Variants in RBFOX1 observed in about 807,000 individuals in gnomAD.
RBFOX1 encodes RNA binding fox-1 homolog 1, also known as RNA binding protein fox-1 homolog 1.
Under a neutral mutation model 57.7 loss-of-function variants are expected in RBFOX1, and 8 were observed. The observed-to-expected ratio is 0.14, with a 90% CI of 0.08 to 0.25. The LOEUF (loss-of-function observed/expected upper bound fraction) is 0.25, where lower values mean the gene tolerates loss of function less well. Among genes scored for constraint, RBFOX1 ranks in the 10% least tolerant of loss-of-function variants. The pLI, the probability that RBFOX1 is intolerant of heterozygous loss-of-function variation, is 1.00. For missense variants in RBFOX1, 611 were observed against 548.5 expected (o/e 1.11, Z -1.14); for synonymous variants, 326 against 222.4 (o/e 1.47, Z -4.15).
chr16:6,470,735 G>T (rs1348553999), intron 2 of RBFOX1, among the ~76,000 whole-genome samples: 1 of 152,156 alleles, frequency 6.6e-6, no homozygotes, highest in African/African-American at 2.4e-5. Context: ...TCAATAACTT[G>T]TAACAGTGAT....
chr16:7,009,092 C>T (rs1167383028), intron 3 of RBFOX1, among the ~76,000 whole-genome samples: 1 of 2,584 alleles, frequency 3.9e-4, no homozygotes, highest in Non-Finnish European at 1.1e-3. Flanking sequence ...CTCCCTTCCT[C>T]CCTCCCTCCC....
At position 6,790,210 on chromosome 16, in the gene RBFOX1, A is replaced by G. The variant is rs550523372; in HGVS notation, c.-16+135560A>G. Among the ~76,000 whole-genome samples, 627 of 133,596 alleles carry G rather than the reference A, an allele frequency of 4.7e-3. 4 individuals carry two copies. The highest frequency in any genetic ancestry group is 0.02 in the African/African-American group (599 of 30,254). The allele number at this position is 133,596 out of a possible 152,430, so 87.6% of individuals were successfully genotyped here. On this transcript the variant is annotated intron_variant, in intron 3 of 15. Transcript: ENST00000550418. ...TATTATTATTATTATTTTATGACAG[A>G]CTCTCGCTCTGTCAGCCAGGCTGGA... is the stretch of plus-strand genomic sequence containing the variant.
intron 4 of RBFOX1, among the ~76,000 whole-genome samples, chr16:7,317,219 A>C (rs899686858): frequency 2.0e-5 from 3 of 152,086 alleles, no homozygotes; most frequent in Non-Finnish European, 4.4e-5. Flanking sequence ...TTTGAAAATC[A>C]AGCCTGAGAT....
chr16:6,403,991 C>T (rs1488843381), intron 2 of RBFOX1, among the ~76,000 whole-genome samples: 1 of 152,120 alleles, frequency 6.6e-6, no homozygotes, highest in Non-Finnish European at 1.5e-5. Flanking sequence ...ACCATGCTGG[C>T]ACTCCAATAT....
intron 2 of RBFOX1, among the ~76,000 whole-genome samples, chr16:6,619,968 T>C (rs571703289): frequency 5.4e-4 from 82 of 152,322 alleles, no homozygotes; most frequent in Middle Eastern, 3.4e-3. Context: ...TATTTGATTT[T>C]CTGTTCCTGC....
At chr16:6,108,872 C>A (rs74004746) in intron 1 of RBFOX1, among the ~76,000 whole-genome samples, 1 of 152,044 alleles carries the variant, frequency 6.6e-6, no homozygotes, top group Non-Finnish European at 1.5e-5. Flanking sequence ...CTTATAGGGA[C>A]GCTTGTGATT....
At chr16:5,915,657 C>A (rs953710393) in intron 4 of RBFOX1, among the ~76,000 whole-genome samples, 4 of 152,024 alleles carry the variant, frequency 2.6e-5, no homozygotes, top group Non-Finnish European at 5.9e-5. Context: ...TATGGTAAAA[C>A]CCTGTCTCTA....
intron 3 of RBFOX1, among the ~76,000 whole-genome samples, chr16:5,833,617 CTT>C (rs1337929782): frequency 6.6e-6 from 1 of 151,726 alleles, no homozygotes; most frequent in African/African-American, 2.4e-5. Context: ...AATTAAGACA[CTT>C]TTAGAGGGTC....
chr16:6,160,906 C>A (rs538463068), intron 1 of RBFOX1, among the ~76,000 whole-genome samples: 2 of 152,158 alleles, frequency 1.3e-5, no homozygotes, highest in African/African-American at 4.8e-5. Context: ...CATCGCTCTC[C>A]GCACACGATC....
intron 4 of RBFOX1, among the ~76,000 whole-genome samples, chr16:7,159,932 C>G (rs552204403): frequency 1.3e-5 from 2 of 152,070 alleles, no homozygotes; most frequent in African/African-American, 4.8e-5. Context: ...TTTATTATAC[C>G]TTTGTTTTTC....
intron 2 of RBFOX1, among the ~76,000 whole-genome samples, chr16:6,366,323 T>C (rs900703503): frequency 4.6e-5 from 7 of 152,214 alleles, no homozygotes; most frequent in Admixed American, 1.3e-4. Context: ...GATATTGAAC[T>C]ATAAAGACTT....
intron 4 of RBFOX1, among the ~76,000 whole-genome samples, chr16:7,239,312 A>C (rs191905829): frequency 6.6e-6 from 1 of 152,230 alleles, no homozygotes; most frequent in East Asian, 1.9e-4. Flanking sequence ...CAGCCTGGAC[A>C]ACATGGTGAA....
intron 3 of RBFOX1, among the ~76,000 whole-genome samples, chr16:6,680,225 A>AT (rs933035871): frequency 1.3e-5 from 2 of 150,222 alleles, no homozygotes; most frequent in Non-Finnish European, 3.0e-5. Context: ...TCGAAGTACA[A>AT]TTTTTACTAT....
At chr16:5,731,674 C>G (rs762514726) in intron 3 of RBFOX1, among the ~76,000 whole-genome samples, 3 of 152,138 alleles carry the variant, frequency 2.0e-5, no homozygotes, top group Non-Finnish European at 4.4e-5. Context: ...GCTATTAAGT[C>G]AGAAATCCCC....
intron 2 of RBFOX1, among the ~76,000 whole-genome samples, chr16:5,539,936 T>C (rs2151057279): frequency 6.6e-6 from 1 of 152,270 alleles, no homozygotes; most frequent in South Asian, 2.1e-4. Flanking sequence ...TCAAGGAGGG[T>C]TTTGGCTTTG....
chr16:6,657,645 C>A (rs1440021973), intron 3 of RBFOX1, among the ~76,000 whole-genome samples: 6 of 152,114 alleles, frequency 3.9e-5, no homozygotes, highest in Admixed American at 3.3e-4. Context: ...CTCCATTTAA[C>A]CCAAATGCTT....
At chr16:7,588,410 A>G (rs1379170495) in intron 7 of RBFOX1, among the ~76,000 whole-genome samples, 5 of 152,182 alleles carry the variant, frequency 3.3e-5, no homozygotes, top group Non-Finnish European at 7.3e-5. Flanking sequence ...ACTGAGGAAA[A>G]CAACACATGA....
At chr16:7,463,208 A>C (rs2059894638) in intron 4 of RBFOX1, among the ~76,000 whole-genome samples, 1 of 152,080 alleles carries the variant, frequency 6.6e-6, no homozygotes, top group South Asian at 2.1e-4. Flanking sequence ...TGTCTTTTAA[A>C]AGGGCATGAA....
Position 7,147,306 on chromosome 16 carries a change from T to C in RBFOX1, c.27+95208T>C, listed in dbSNP as rs558127347. 4.0e-5 allele frequency among the ~76,000 whole-genome samples: 6 copies of C among 149,778 alleles called. No individual in the cohort carries two copies. In the East Asian group the frequency reaches 1.2e-3, roughly 30 times the overall value. ...AGGCATGAGCCACCACACCTGGCCC[T>C]ATTTTTAATTTTTTTTTCAACTTTT... On this transcript the variant is annotated intron_variant, in intron 4 of 15. Transcript: ENST00000550418.
Sources: gnomAD v4.1 joint callset for allele counts (sites outside exome capture counted in the v4.1 genomes callset) on GRCh38, gnomAD v4.1.1 for gene constraint, MANE v1.5 for transcripts, NCBI Gene and HGNC (gene_info 2026-07-23, HGNC 2026-07-21) for gene names.